Variants in C11orf58 observed in about 807,000 individuals in gnomAD.
The protein encoded by C11orf58 is chromosome 11 open reading frame 58.
Under a neutral mutation model 22.7 loss-of-function variants are expected in C11orf58, and 5 were observed. The ratio of observed to expected loss-of-function variants is 0.22; its 90% CI spans 0.12 to 0.46. The LOEUF is 0.46. Among genes scored for constraint, C11orf58 ranks in the 20% least tolerant of loss-of-function variants. C11orf58 has a pLI of 0.99. For missense variants in C11orf58, 151 were observed against 223.3 expected (o/e 0.68, Z 2.06); for synonymous variants, 71 against 70.7 (o/e 1.00, Z -0.02).
intron 4 of C11orf58, chr11:16,753,771 C>G (rs1338676029): frequency 5.0e-6 from 2 of 399,170 alleles, no homozygotes; most frequent in African/African-American, 2.1e-5. Flanking sequence ...GGTTCTCACT[C>G]TGTCACCCAG....
chr11:16,756,187 A>C lies in C11orf58; in HGVS notation c.*1083A>C, dbSNP rs1848575271. ...TTAATGTTTATAAGTAACAAGTTCA[A>C]AGGCTTTAGTCACACCTGTTTGTGA... On this transcript the variant is annotated 3_prime_UTR_variant, in exon 5 of 5. Transcript: ENST00000228136. The C allele has an allele frequency of 6.6e-6, 1 of 152,096 alleles. No homozygotes were observed. The highest frequency in any genetic ancestry group is 2.4e-5 in the African/African-American group (1 of 41,386). 9.4% of individuals were successfully genotyped at this position (152,096 alleles called of 1,614,324 possible).
intron 2 of C11orf58, 104 bp from the exon 3 acceptor site, chr11:16,747,993 T>G: frequency 1.2e-6 from 1 of 841,022 alleles, no homozygotes; most frequent in Non-Finnish European, 2.0e-6. Context: ...TCTTTTGTCT[T>G]CACTGTGTCC....
intron 3 of C11orf58, chr11:16,750,121 G>A (rs1848520532): frequency 6.6e-6 from 1 of 152,196 alleles, no homozygotes; most frequent in African/African-American, 2.4e-5. Flanking sequence ...CCAACAAAGA[G>A]AAAGTGGCAT....
intron 4 of C11orf58, 71 bp from the exon 5 acceptor site, chr11:16,754,800 C>A: frequency 6.3e-7 from 1 of 1,580,548 alleles, no homozygotes; most frequent in East Asian, 2.2e-5. Flanking sequence ...ACCGACAGAA[C>A]TTACGGTCTT....
intron 1 of C11orf58, among the ~76,000 whole-genome samples, chr11:16,739,056 G>T (rs1328459742): frequency 6.6e-6 from 1 of 152,120 alleles, no homozygotes; most frequent in East Asian, 1.9e-4. Context: ...GACCTGCGTA[G>T]GAAGGGGGAT....
Position 16,756,908 on chromosome 11 carries a change from CAA to C in C11orf58, c.*1823_*1824del, listed in dbSNP as rs55803725. On this transcript the variant is annotated 3_prime_UTR_variant, in exon 5 of 5. Coordinates refer to ENST00000228136, the MANE Select transcript of C11orf58 (RefSeq NM_014267.6). ...GGGCAACAAGAGCAAAACTCCATCT[CAA>C]AAAAAAAAAAAAAAAAAATTTAGAA... 0.027 allele frequency: 2,659 copies of C among 96,966 alleles called. 55 individuals carry two copies. The highest frequency in any genetic ancestry group is 0.083 in the African/African-American group (2,065 of 24,894). The allele number at this position is 96,966 out of a possible 1,614,324, so 6.0% of individuals were successfully genotyped here. A position where few individuals can be genotyped will look rare whatever the true frequency, so the allele number is the denominator to read the frequency against.
chr11:16,755,364 C>T lies in C11orf58; in HGVS notation c.*260C>T, dbSNP rs985074028. 3 of 270,220 alleles carry T rather than the reference C, an allele frequency of 1.1e-5. No homozygotes were observed. The highest frequency in any genetic ancestry group is 6.6e-5 in the African/African-American group (3 of 45,300). 16.7% of individuals were successfully genotyped at this position (270,220 alleles called of 1,614,324 possible). A position where few individuals can be genotyped will look rare whatever the true frequency, so the allele number is the denominator to read the frequency against. Reference sequence around the variant, plus strand: ...TTCCTTTCATATTAGCATCATCAACCCTCTAATTCACCTTATGGGGGAAAT... The same window carrying T: ...TTCCTTTCATATTAGCATCATCAACTCTCTAATTCACCTTATGGGGGAAAT... On this transcript the variant is annotated 3_prime_UTR_variant, in exon 5 of 5. Coordinates refer to ENST00000228136, the MANE Select transcript of C11orf58 (RefSeq NM_014267.6).
At chr11:16,754,766 G>C in intron 4 of C11orf58, 105 bp from the exon 5 acceptor site, 1 of 1,514,148 alleles carries the variant, frequency 6.6e-7, no homozygotes, top group Non-Finnish European at 8.8e-7. Flanking sequence ...TGTTCTAATG[G>C]CTACAAAGTA....
At chr11:16,754,262 A>G (rs1564885367) in intron 4 of C11orf58, among the ~76,000 whole-genome samples, 1 of 152,104 alleles carries the variant, frequency 6.6e-6, no homozygotes, top group East Asian at 1.9e-4. Flanking sequence ...TCAGGAAAAT[A>G]TAATACCATG....
At chr11:16,754,827 G>A in intron 4 of C11orf58, 44 bp from the exon 5 acceptor site, 2 of 1,605,798 alleles carry the variant, frequency 1.2e-6, no homozygotes, top group South Asian at 1.1e-5. Flanking sequence ...ATTTTGTATG[G>A]GCTAATGTTT....
At chr11:16,747,985 T>G (rs992073849) in intron 2 of C11orf58, 112 bp from the exon 3 acceptor site, 2 of 793,640 alleles carry the variant, frequency 2.5e-6, no homozygotes, top group Admixed American at 2.4e-5. Context: ...TAATTTAATC[T>G]TTTGTCTTCA....
intron 2 of C11orf58, among the ~76,000 whole-genome samples, chr11:16,746,478 A>G (rs1033469980): frequency 2.6e-5 from 4 of 152,206 alleles, no homozygotes; most frequent in African/African-American, 4.8e-5. Context: ...TTTCAACTAA[A>G]ATCAGTTAAA....
intron 1 of C11orf58, among the ~76,000 whole-genome samples, 195 bp downstream of exon 1, chr11:16,739,036 G>A (rs944407251): frequency 2.6e-5 from 4 of 152,108 alleles, no homozygotes; most frequent in Non-Finnish European, 1.5e-5. Context: ...CCCACACGCT[G>A]AGAGCCGGAG....
At chr11:16,744,973 T>C (rs1848476795) in intron 2 of C11orf58, among the ~76,000 whole-genome samples, 1 of 152,216 alleles carries the variant, frequency 6.6e-6, no homozygotes, top group South Asian at 2.1e-4. Context: ...ATTTGCCATA[T>C]GTTGGCCCAG....
chr11:16,749,823 T>C (rs1450378467), intron 3 of C11orf58: 1 of 152,164 alleles, frequency 6.6e-6, no homozygotes, highest in Non-Finnish European at 1.5e-5. Context: ...AATCAACTGC[T>C]TGCAGACTCA....
chr11:16,751,043 T>C (rs11024031), intron 3 of C11orf58: 47,193 of 152,062 alleles, frequency 0.31, 8,815 homozygotes, highest in Non-Finnish European at 0.42. Context: ...TGTGAGAAGA[T>C]AGACACAGAG....
chr11:16,749,806 C>G (rs779668188), intron 3 of C11orf58: 1 of 152,046 alleles, frequency 6.6e-6, no homozygotes, highest in African/African-American at 2.4e-5. Context: ...GCACAGAGAC[C>G]GTAATCAATC....
chr11:16,739,644 G>A (rs1848429086), intron 1 of C11orf58: 1 of 152,146 alleles, frequency 6.6e-6, no homozygotes, highest in African/African-American at 2.4e-5. Context: ...CTAGCCCAGT[G>A]TCATGGAAAC....
Position 16,738,774 on chromosome 11 carries a change from C to T in C11orf58, c.-5C>T. 1 of 1,613,974 alleles carries T rather than the reference C, an allele frequency of 6.2e-7. No individual in the cohort carries two copies. ...TCGGCATTTTTCGTCGGGATCCCCG[C>T]AAGGATGAGTGCTGCCAGAGAGTCT... On this transcript the variant is annotated 5_prime_UTR_variant, in exon 1 of 5. Transcript: ENST00000228136.
Sources: allele counts gnomAD v4.1 joint callset (sites outside exome capture counted in the v4.1 genomes callset), GRCh38; gene constraint gnomAD v4.1.1; transcripts MANE v1.5; gene names NCBI Gene and HGNC (gene_info 2026-07-23, HGNC 2026-07-21).